SNX18: variants seen among roughly 807,000 people sequenced by gnomAD.
The protein encoded by SNX18 is sorting nexin-18.
Under a neutral mutation model 48.7 loss-of-function variants are expected in SNX18, and 35 were observed. That is an observed-to-expected ratio of 0.72 (90% confidence interval 0.55 to 0.95). SNX18 has a LOEUF of 0.95. Among genes scored for constraint, SNX18 ranks in the 40% least tolerant of loss-of-function variants. The probability of loss-of-function intolerance (pLI) is 0.00; values close to 1 mark genes in which losing one functional copy is unlikely to be tolerated. For synonymous variants in SNX18, 492 were observed against 384.7 expected (o/e 1.28, Z -3.26); for missense variants, 824 against 871.0 (o/e 0.95, Z 0.68).
intron 1 of SNX18, among the ~76,000 whole-genome samples, chr5:54,534,867 C>T (rs1476072552): frequency 2.0e-5 from 3 of 152,000 alleles, no homozygotes; most frequent in Admixed American, 2.0e-4. Context: ...CTACATGACT[C>T]GAGAGATTCA....
chr5:54,535,327 TG>T (rs1762331951), intron 1 of SNX18, among the ~76,000 whole-genome samples: 1 of 152,148 alleles, frequency 6.6e-6, no homozygotes. Flanking sequence ...GATGGAGAAG[TG>T]GGGCAAAGTA....
chr5:54,536,474 G>T (rs958946217), intron 1 of SNX18, among the ~76,000 whole-genome samples: 3 of 147,822 alleles, frequency 2.0e-5, no homozygotes, highest in Admixed American at 7.0e-5. Flanking sequence ...GTGAGAACAC[G>T]CAGTGTTTGG....
At chr5:54,561,155 G>A in the SNX18 span, among the ~76,000 whole-genome samples, 2 of 152,128 alleles carry the variant, frequency 1.3e-5, no homozygotes, top group African/African-American at 4.8e-5. Context: ...CGATTCTCCT[G>A]CCTCAGCCTC....
In SNX18 at chr5:54,517,970, G is replaced by T; in HGVS notation, c.18G>T (p.Arg6=). MALRA[R]ALYDFRSENP... ...CCGGGACCATGGCGCTGCGCGCCCG[G>T]GCGCTGTACGACTTCAGGTCGGAGA... Residue 6 remains arginine, a synonymous_variant, in exon 1 of 2, where the codon CGG becomes CGT. Coordinates refer to ENST00000381410, the MANE Select transcript of SNX18 (RefSeq NM_001102575.2). The T allele has an allele frequency of 6.6e-7, 1 of 1,523,182 alleles. No individual in the cohort carries two copies. Among genetic ancestry groups the T allele is most frequent in the Non-Finnish European group, 8.8e-7 (1 of 1,137,936 alleles). 94.4% of individuals were successfully genotyped at this position (1,523,182 alleles called of 1,614,324 possible).
chr5:54,605,351 G>A, the SNX18 span, among the ~76,000 whole-genome samples: 1 of 151,596 alleles, frequency 6.6e-6, no homozygotes, highest in East Asian at 1.9e-4. Context: ...CTCAGAGTTA[G>A]GGGTTTAGAC....
chr5:54,575,572 G>A, the SNX18 span, among the ~76,000 whole-genome samples: 1 of 151,924 alleles, frequency 6.6e-6, no homozygotes, highest in Non-Finnish European at 1.5e-5. Flanking sequence ...ACTACTCTTG[G>A]TCAGGCTGGT....
the SNX18 span, among the ~76,000 whole-genome samples, chr5:54,575,474 C>T: frequency 0.72 from 107,508 of 149,634 alleles, 38,756 homozygotes; most frequent in Middle Eastern, 0.77. Flanking sequence ...CTGGTTCAAG[C>T]GATTCTCCTG....
chr5:54,629,922 G>A, the SNX18 span, among the ~76,000 whole-genome samples: 12 of 152,296 alleles, frequency 7.9e-5, no homozygotes, highest in East Asian at 2.3e-3. Context: ...ATTATAGGAG[G>A]AAAATTAGAT....
the SNX18 span, among the ~76,000 whole-genome samples, chr5:54,573,809 A>C: frequency 1.7e-4 from 26 of 152,320 alleles, no homozygotes; most frequent in African/African-American, 6.3e-4. Context: ...GAGATATTGT[A>C]GTGCATCTGG....
intron 1 of SNX18, among the ~76,000 whole-genome samples, chr5:54,525,375 TTTA>T (rs1346247105): frequency 7.5e-6 from 1 of 133,572 alleles, no homozygotes; most frequent in Non-Finnish European, 1.6e-5. Context: ...ACCTTGTCTC[TTTA>T]AAAAAAAAAA....
chr5:54,607,180 A>G, the SNX18 span, among the ~76,000 whole-genome samples: 2 of 151,886 alleles, frequency 1.3e-5, no homozygotes, highest in African/African-American at 4.8e-5. Flanking sequence ...CTCATTTCCC[A>G]TTTTGCCCCA....
chr5:54,611,511 T>C, the SNX18 span, among the ~76,000 whole-genome samples: 1 of 152,156 alleles, frequency 6.6e-6, no homozygotes, highest in Non-Finnish European at 1.5e-5. Context: ...TGCTGACTAA[T>C]GGTGTCTGGA....
chr5:54,518,036 C>G lies in SNX18; in HGVS notation c.84C>G (p.Ser28Arg), dbSNP rs375250474. The G allele has an allele frequency of 6.5e-6, 10 of 1,548,022 alleles. No homozygotes were observed. In the South Asian group the frequency reaches 1.1e-4, roughly 17 times the overall value. ...EISLREHEVL[S>R]LCSEQDIEGW... Reference sequence around the variant, plus strand: ...CGCTGCGAGAGCACGAGGTGCTGAGCCTGTGCAGCGAGCAGGACATCGAGG... The same window carrying G: ...CGCTGCGAGAGCACGAGGTGCTGAGGCTGTGCAGCGAGCAGGACATCGAGG... The change falls in exon 1 of 2, where the codon AGC becomes AGG. Residue 28 changes from serine (S) to arginine (R), a missense_variant. Ser to Arg is a moderately radical substitution (Grantham distance 110, BLOSUM62 -1). Transcript: ENST00000381410.
chr5:54,525,977 T>G (rs149871580), intron 1 of SNX18, among the ~76,000 whole-genome samples: 1 of 152,136 alleles, frequency 6.6e-6, no homozygotes. Context: ...GAACTTCGAA[T>G]GTAAAAGTGA....
At chr5:54,576,806 CTTGT>C in the SNX18 span, among the ~76,000 whole-genome samples, 3 of 151,842 alleles carry the variant, frequency 2.0e-5, no homozygotes, top group East Asian at 2.0e-4. Context: ...TGTTTGCTTG[CTTGT>C]TTGTCTTTTG....
At chr5:54,617,277 T>C in the SNX18 span, among the ~76,000 whole-genome samples, 1 of 152,222 alleles carries the variant, frequency 6.6e-6, no homozygotes, top group African/African-American at 2.4e-5. Flanking sequence ...CATAAAAGCA[T>C]AGCAGAACAG....
At chr5:54,611,457 T>G in the SNX18 span, among the ~76,000 whole-genome samples, 1 of 152,172 alleles carries the variant, frequency 6.6e-6, no homozygotes, top group South Asian at 2.1e-4. Flanking sequence ...CAGGGTAGTC[T>G]GCTCTCTGTT....
the SNX18 span, among the ~76,000 whole-genome samples, chr5:54,583,774 G>T: frequency 6.6e-6 from 1 of 152,226 alleles, no homozygotes; most frequent in African/African-American, 2.4e-5. Flanking sequence ...TCATAATCCT[G>T]TCCCTTCTTT....
the SNX18 span, among the ~76,000 whole-genome samples, chr5:54,622,270 C>T: frequency 4.6e-5 from 7 of 152,108 alleles, no homozygotes; most frequent in Non-Finnish European, 8.8e-5. Flanking sequence ...TGGCCAAGGT[C>T]GGAGGATCAC....
Sources: gnomAD v4.1 joint callset for allele counts (sites outside exome capture counted in the v4.1 genomes callset) on GRCh38, gnomAD v4.1.1 for gene constraint, MANE v1.5 for transcripts, NCBI Gene and HGNC (gene_info 2026-07-23, HGNC 2026-07-21) for gene names.